The following KDM7A variants were observed in gnomAD, a reference collection of about 807,000 sequenced individuals.
KDM7A encodes lysine demethylase 7A, also known as lysine-specific demethylase 7A.
A neutral mutation model predicts 114.8 loss-of-function variants in KDM7A; 28 were observed. The observed-to-expected ratio is 0.24, with a 90% confidence interval of 0.18 to 0.33. The LOEUF (loss-of-function observed/expected upper bound fraction) is 0.33, where lower values mean the gene tolerates loss of function less well. Among genes scored for constraint, KDM7A ranks in the 10% least tolerant of loss-of-function variants. The pLI is 1.00. For synonymous variants in KDM7A, 423 were observed against 397.8 expected (o/e 1.06, Z -0.75); for missense variants, 942 against 1,142.5 (o/e 0.82, Z 2.53).
chr7:140,093,407 A>G (rs1181738290), intron 18 of KDM7A, among the ~76,000 whole-genome samples: 5 of 152,248 alleles, frequency 3.3e-5, no homozygotes, highest in Middle Eastern at 3.4e-3. Context: ...ACTAGAGGCA[A>G]TATTTCTGCC....
intron 11 of KDM7A, among the ~76,000 whole-genome samples, chr7:140,103,456 T>TCCCCCCCCCCCCCCCC (rs36126233): frequency 6.8e-6 from 1 of 147,604 alleles, no homozygotes; most frequent in African/African-American, 2.5e-5. Context: ...ATGTTATCCC[T>TCCCCCCCCCCCCCCCC]CCCCCCCCCT....
intron 1 of KDM7A, among the ~76,000 whole-genome samples, chr7:140,151,805 A>G (rs1270046652): frequency 6.6e-6 from 1 of 152,238 alleles, no homozygotes; most frequent in Admixed American, 6.5e-5. Flanking sequence ...TAAAAGATGA[A>G]TGAATAAGCA....
chr7:140,165,209 T>C (rs1275879180), intron 1 of KDM7A, among the ~76,000 whole-genome samples: 1 of 152,230 alleles, frequency 6.6e-6, no homozygotes, highest in East Asian at 1.9e-4. Context: ...TATATACATT[T>C]ACCTGCTCAG....
chr7:140,149,746 A>G (rs372255543), intron 1 of KDM7A, among the ~76,000 whole-genome samples: 5 of 152,236 alleles, frequency 3.3e-5, no homozygotes, highest in Admixed American at 1.3e-4. Context: ...CCCAAAATGA[A>G]TATGATGTGA....
intron 1 of KDM7A, among the ~76,000 whole-genome samples, chr7:140,173,627 ACTC>A (rs1036249540): frequency 1.3e-4 from 19 of 151,528 alleles, no homozygotes; most frequent in Admixed American, 1.1e-3. Flanking sequence ...CCAACCTCCT[ACTC>A]CTCCTTGCTC....
intron 10 of KDM7A, among the ~76,000 whole-genome samples, chr7:140,112,943 G>A (rs1027342204): frequency 1.3e-5 from 2 of 152,154 alleles, no homozygotes; most frequent in Non-Finnish European, 2.9e-5. Context: ...TTGAAATTTG[G>A]TCTCTCCTTT....
At chr7:140,161,536 GTTT>G (rs923657449) in intron 1 of KDM7A, among the ~76,000 whole-genome samples, 1 of 150,658 alleles carries the variant, frequency 6.6e-6, no homozygotes, top group Non-Finnish European at 1.5e-5. Context: ...TTGTTTTTTC[GTTT>G]TTTTGTTTTT....
intron 9 of KDM7A, among the ~76,000 whole-genome samples, chr7:140,115,041 G>A (rs1259351191): frequency 6.6e-6 from 1 of 151,216 alleles, no homozygotes; most frequent in East Asian, 2.0e-4. Flanking sequence ...GAGGTTGGGG[G>A]CAGCCCCTGC....
At chr7:140,141,362 C>G (rs1375037412) in intron 1 of KDM7A, among the ~76,000 whole-genome samples, 1 of 150,748 alleles carries the variant, frequency 6.6e-6, no homozygotes, top group Non-Finnish European at 1.5e-5. Flanking sequence ...ACAAAACAAA[C>G]CCCCCCCACC....
At chr7:140,143,502 A>C (rs114357974) in intron 1 of KDM7A, among the ~76,000 whole-genome samples, 3,737 of 152,334 alleles carry the variant, frequency 0.025, 161 homozygotes, top group African/African-American at 0.086. Flanking sequence ...AATACACAAC[A>C]CAATACACAA....
At chr7:140,106,842 GT>G (rs1174379006) in intron 11 of KDM7A, among the ~76,000 whole-genome samples, 15 of 152,148 alleles carry the variant, frequency 9.9e-5, no homozygotes, top group African/African-American at 3.6e-4. Context: ...GGATATTCTT[GT>G]TAACTTTCTG....
At chr7:140,173,081 A>G (rs1201285232) in intron 1 of KDM7A, among the ~76,000 whole-genome samples, 1 of 152,178 alleles carries the variant, frequency 6.6e-6, no homozygotes, top group Non-Finnish European at 1.5e-5. Flanking sequence ...TTTGCATATG[A>G]CGATATAAAA....
intron 11 of KDM7A, among the ~76,000 whole-genome samples, chr7:140,108,879 C>G (rs1818387688): frequency 6.6e-6 from 1 of 152,216 alleles, no homozygotes; most frequent in African/African-American, 2.4e-5. Context: ...GTGGAGTCTA[C>G]AGAGGCAGGC....
chr7:140,143,402 G>C (rs1585159302), intron 1 of KDM7A, among the ~76,000 whole-genome samples: 1 of 152,022 alleles, frequency 6.6e-6, no homozygotes, highest in East Asian at 1.9e-4. Context: ...ATTATTACAT[G>C]GGTGTATATT....
At chr7:140,158,273 G>T (rs1342459757) in intron 1 of KDM7A, among the ~76,000 whole-genome samples, 1 of 152,138 alleles carries the variant, frequency 6.6e-6, no homozygotes, top group Non-Finnish European at 1.5e-5. Flanking sequence ...GGCTTCTGGA[G>T]GGCAGACAGA....
chr7:140,095,148 A>G (rs979000648), intron 17 of KDM7A, among the ~76,000 whole-genome samples: 6 of 152,198 alleles, frequency 3.9e-5, no homozygotes, highest in African/African-American at 1.4e-4. Context: ...GCGCCCAGTG[A>G]TCTAGAATCA....
At chr7:140,151,878 A>G (rs914077114) in intron 1 of KDM7A, among the ~76,000 whole-genome samples, 3 of 152,230 alleles carry the variant, frequency 2.0e-5, no homozygotes, top group East Asian at 1.9e-4. Context: ...AGGGAAAGCT[A>G]TATTTTCTAG....
chr7:140,101,895 A>G (rs1362367101), intron 12 of KDM7A, 56 bp downstream of exon 12: 3 of 1,153,398 alleles, frequency 2.6e-6, no homozygotes, highest in East Asian at 2.3e-5. Flanking sequence ...TTATCCCTAT[A>G]AAGACTTTAA....
intron 19 of KDM7A, among the ~76,000 whole-genome samples, chr7:140,091,567 A>C (rs567472585): frequency 6.6e-6 from 1 of 152,060 alleles, no homozygotes; most frequent in Non-Finnish European, 1.5e-5. Flanking sequence ...ACTTTCCCCA[A>C]TTCAGCCTGG....
Sources: allele counts gnomAD v4.1 joint callset (sites outside exome capture counted in the v4.1 genomes callset), GRCh38; gene constraint gnomAD v4.1.1; transcripts MANE v1.5; gene names NCBI Gene and HGNC (gene_info 2026-07-23, HGNC 2026-07-21).